ROS1: variants seen among roughly 807,000 people sequenced by gnomAD.
ROS1 encodes the protein proto-oncogene tyrosine-protein kinase ROS.
ROS1 carries 263 observed loss-of-function variants against 273.5 expected under a neutral mutation model. The ratio of observed to expected loss-of-function variants is 0.96; its 90% CI spans 0.87 to 1.06. ROS1 has a LOEUF of 1.06. Among genes scored for constraint, ROS1 ranks in the 50% least tolerant of loss-of-function variants. The pLI is 0.00. For missense variants in ROS1, 2,833 were observed against 2,751.1 expected (o/e 1.03, Z -0.67); for synonymous variants, 1,008 against 954.1 (o/e 1.06, Z -1.04).
chr6:117,398,691 A>C (rs1014085704), intron 7 of ROS1, among the ~76,000 whole-genome samples: 3 of 151,636 alleles, frequency 2.0e-5, no homozygotes, highest in African/African-American at 4.8e-5. Context: ...AAAAAAAAAA[A>C]AAAAAACTCG....
At chr6:117,418,534 C>A (rs1775512951) in intron 1 of ROS1, 28 bp from the exon 2 acceptor site, 6 of 1,579,826 alleles carry the variant, frequency 3.8e-6, no homozygotes, top group Non-Finnish European at 5.2e-6. Context: ...GTAGTAAACA[C>A]CAGCCATCAG....
chr6:117,315,540 G>A (rs1015161282), intron 39 of ROS1, among the ~76,000 whole-genome samples: 1 of 152,062 alleles, frequency 6.6e-6, no homozygotes, highest in Admixed American at 6.6e-5. Context: ...TTGTAGAAGC[G>A]AGGAAAGAAA....
chr6:117,407,870 T>C (rs1436305871), intron 5 of ROS1, among the ~76,000 whole-genome samples: 1 of 152,090 alleles, frequency 6.6e-6, no homozygotes, highest in Non-Finnish European at 1.5e-5. Flanking sequence ...AACAGAAATA[T>C]AGACCAATGA....
intron 39 of ROS1, among the ~76,000 whole-genome samples, chr6:117,312,538 G>A (rs1775619893): frequency 1.3e-5 from 2 of 152,068 alleles, no homozygotes; most frequent in Admixed American, 1.3e-4. Flanking sequence ...TGTGTACATG[G>A]AACCCTGCTC....
At chr6:117,312,949 A>C (rs77802448) in intron 39 of ROS1, among the ~76,000 whole-genome samples, 1,661 of 152,212 alleles carry the variant, frequency 0.011, 27 homozygotes, top group African/African-American at 0.037. Flanking sequence ...AAGCCCTCTC[A>C]GGTTTCCTCA....
At chr6:117,340,481 T>C (rs1777836594) in intron 31 of ROS1, among the ~76,000 whole-genome samples, 1 of 152,166 alleles carries the variant, frequency 6.6e-6, no homozygotes, top group African/African-American at 2.4e-5. Flanking sequence ...CATGCACATA[T>C]ATAATAGTTA....
At chr6:117,373,891 A>T (rs1781094771) in intron 18 of ROS1, among the ~76,000 whole-genome samples, 1 of 152,254 alleles carries the variant, frequency 6.6e-6, no homozygotes, top group Non-Finnish European at 1.5e-5. Flanking sequence ...TCAATAATTC[A>T]ACCCCTTTTA....
intron 38 of ROS1, among the ~76,000 whole-genome samples, chr6:117,317,715 C>G (rs1776016636): frequency 6.6e-6 from 1 of 152,112 alleles, no homozygotes; most frequent in Non-Finnish European, 1.5e-5. Flanking sequence ...TTGGAACCCA[C>G]AGCTTGAGAC....
chr6:117,355,971 A>C (rs1244804593), intron 26 of ROS1, among the ~76,000 whole-genome samples: 2 of 152,208 alleles, frequency 1.3e-5, no homozygotes, highest in Admixed American at 6.5e-5. Context: ...CACACTGGGC[A>C]ATGAAAAGTA....
At chr6:117,296,416 A>C (rs1774247385) in intron 43 of ROS1, among the ~76,000 whole-genome samples, 1 of 152,124 alleles carries the variant, frequency 6.6e-6, no homozygotes, top group East Asian at 1.9e-4. Context: ...AAAATAGACA[A>C]ATGGATAAAG....
chr6:117,335,667 T>C (rs2128611426), intron 32 of ROS1, among the ~76,000 whole-genome samples: 1 of 152,258 alleles, frequency 6.6e-6, no homozygotes, highest in South Asian at 2.1e-4. Context: ...TAAGAAGGAA[T>C]GAGATCATGT....
intron 1 of ROS1, among the ~76,000 whole-genome samples, chr6:117,422,969 T>A (rs1033748680): frequency 6.6e-6 from 1 of 152,080 alleles, no homozygotes; most frequent in African/African-American, 2.4e-5. Context: ...TGAATGGAAT[T>A]GATACTCCTG....
chr6:117,347,446 G>A (rs1363552761), intron 27 of ROS1, among the ~76,000 whole-genome samples: 5 of 152,054 alleles, frequency 3.3e-5, no homozygotes, highest in Admixed American at 2.6e-4. Flanking sequence ...TCACTTATGA[G>A]TTCCAGGAGT....
rs527989263 is a variant in ROS1 at position 117,314,839 on chromosome 6, G to C, written c.6117+2304C>G. Among the ~76,000 whole-genome samples the C allele has an allele frequency of 7.5e-4, 114 of 152,216 alleles. 1 individual carries two copies. The South Asian group carries it at 0.012, about 17-fold the overall frequency. On this transcript the variant is annotated intron_variant, in intron 39 of 43. Transcript: ENST00000368507. ...GGAGGACCCCCAGTGGAAGAGCAGG[G>C]TCCCACCTAACACCAAAAGGAAGCT...
chr6:117,363,557 A>G (rs1779973162), intron 21 of ROS1, among the ~76,000 whole-genome samples: 1 of 151,992 alleles, frequency 6.6e-6, no homozygotes, highest in South Asian at 2.1e-4. Flanking sequence ...CCTCATTCCA[A>G]TCACATTGCT....
chr6:117,411,861 A>G (rs1774939213), intron 4 of ROS1, among the ~76,000 whole-genome samples: 1 of 152,236 alleles, frequency 6.6e-6, no homozygotes, highest in Non-Finnish European at 1.5e-5. Flanking sequence ...GGAGGTAGAT[A>G]ATAACTGAGT....
At chr6:117,379,201 T>C in intron 17 of ROS1, 42 bp from the exon 18 acceptor site, 1 of 1,243,450 alleles carries the variant, frequency 8.0e-7, no homozygotes. Flanking sequence ...AAATACATGT[T>C]TGAAGCATAA....
chr6:117,364,666 ATTAAAT>A (rs1237592459), intron 21 of ROS1, among the ~76,000 whole-genome samples: 1 of 152,220 alleles, frequency 6.6e-6, no homozygotes, highest in Non-Finnish European at 1.5e-5. Context: ...TCCCCAAAAC[ATTAAAT>A]TTAGATATCA....
chr6:117,361,776 A>G (rs1457082457), intron 22 of ROS1, among the ~76,000 whole-genome samples: 1 of 151,868 alleles, frequency 6.6e-6, no homozygotes, highest in Admixed American at 6.6e-5. Flanking sequence ...ACACAACTCA[A>G]ATCTCCAAAA....
Sources: allele counts gnomAD v4.1 joint callset (sites outside exome capture counted in the v4.1 genomes callset), GRCh38; gene constraint gnomAD v4.1.1; transcripts MANE v1.5; gene names NCBI Gene and HGNC (gene_info 2026-07-23, HGNC 2026-07-21).